Variants in CHSY3 observed in about 807,000 individuals in gnomAD.
CHSY3 encodes the protein N-acetylgalactosaminyl-proteoglycan 3-beta-glucuronosyltransferase 3.
Under a neutral mutation model 67.2 loss-of-function variants are expected in CHSY3, and 35 were observed. The observed-to-expected ratio is 0.52, with a 90% confidence interval of 0.40 to 0.69. The LOEUF is 0.69. Ranked by LOEUF, CHSY3 falls within the 30% of genes least tolerant of loss-of-function variation. The pLI is 0.00. For synonymous variants in CHSY3, 474 were observed against 434.7 expected (o/e 1.09, Z -1.12); for missense variants, 1,069 against 1,138.5 (o/e 0.94, Z 0.88).
intron 2 of CHSY3, among the ~76,000 whole-genome samples, chr5:130,134,528 A>C (rs1348608712): frequency 6.6e-6 from 1 of 151,986 alleles, no homozygotes; most frequent in Non-Finnish European, 1.5e-5. Context: ...GAACACATTT[A>C]CTCTCCTGAG....
At chr5:130,082,504 G>C (rs750724049) in intron 2 of CHSY3, among the ~76,000 whole-genome samples, 1 of 151,938 alleles carries the variant, frequency 6.6e-6, no homozygotes, top group Non-Finnish European at 1.5e-5. Flanking sequence ...TTCTCTTAAC[G>C]ATGTAAGCAC....
chr5:129,957,115 T>C (rs1762199606), intron 2 of CHSY3, among the ~76,000 whole-genome samples: 1 of 152,208 alleles, frequency 6.6e-6, no homozygotes, highest in African/African-American at 2.4e-5. Context: ...TGTTTTTCCA[T>C]TTGTTCGTGC....
chr5:129,906,198 C>T (rs1237748492), intron 1 of CHSY3, among the ~76,000 whole-genome samples: 1 of 152,128 alleles, frequency 6.6e-6, no homozygotes, highest in Non-Finnish European at 1.5e-5. Context: ...TGTTCCCTTC[C>T]CTTTGGCTCA....
chr5:130,176,756 ATTGCATG>A (rs755344003), intron 2 of CHSY3, among the ~76,000 whole-genome samples: 28 of 152,238 alleles, frequency 1.8e-4, no homozygotes, highest in Middle Eastern at 3.4e-3. Flanking sequence ...AAAACCAAAC[ATTGCATG>A]TTCTCACTAA....
At chr5:129,939,157 T>TG (rs1415963862) in intron 2 of CHSY3, among the ~76,000 whole-genome samples, 2 of 151,126 alleles carry the variant, frequency 1.3e-5, no homozygotes, top group Admixed American at 1.3e-4. Context: ...AGAGAGAGAG[T>TG]GAACAGGGAA....
chr5:130,086,075 A>C (rs564067147), intron 2 of CHSY3, among the ~76,000 whole-genome samples: 1,841 of 152,128 alleles, frequency 0.012, 36 homozygotes, highest in African/African-American at 0.042. Context: ...GCTGAAAAAA[A>C]TGTATATTCT....
intron 2 of CHSY3, among the ~76,000 whole-genome samples, chr5:130,168,943 A>C (rs76677061): frequency 0.04 from 6,085 of 152,168 alleles, 348 homozygotes; most frequent in East Asian, 0.26. Context: ...TATCTATAGT[A>C]ACTGATGCAT....
chr5:129,939,702 A>G (rs1761636992), intron 2 of CHSY3, among the ~76,000 whole-genome samples: 1 of 152,344 alleles, frequency 6.6e-6, no homozygotes, highest in South Asian at 2.1e-4. Context: ...CATTTGGAAT[A>G]TGAATAATCT....
chr5:129,962,351 T>C (rs1218851888), intron 2 of CHSY3, among the ~76,000 whole-genome samples: 1 of 151,992 alleles, frequency 6.6e-6, no homozygotes, highest in African/African-American at 2.4e-5. Context: ...TTGTTGCTAT[T>C]GCCTCCTAAA....
intron 2 of CHSY3, among the ~76,000 whole-genome samples, chr5:130,115,994 G>A (rs1767785756): frequency 6.6e-6 from 1 of 152,094 alleles, no homozygotes; most frequent in Non-Finnish European, 1.5e-5. Context: ...GGATCACACA[G>A]GAGGTTCTCC....
intron 2 of CHSY3, among the ~76,000 whole-genome samples, chr5:130,040,595 T>G (rs1051101428): frequency 5.3e-5 from 8 of 152,116 alleles, no homozygotes; most frequent in Admixed American, 2.6e-4. Context: ...GCTTTCAATA[T>G]TATGTCATGT....
At chr5:129,982,563 C>A (rs188288760) in intron 2 of CHSY3, among the ~76,000 whole-genome samples, 1 of 151,864 alleles carries the variant, frequency 6.6e-6, no homozygotes, top group Non-Finnish European at 1.5e-5. Flanking sequence ...CGATTCAGAA[C>A]TATATTTTTT....
intron 2 of CHSY3, chr5:130,140,392 C>T: frequency 1.5e-6 from 1 of 676,554 alleles, no homozygotes; most frequent in African/African-American, 1.8e-5. Flanking sequence ...TTTTATGGTT[C>T]TGATAAAGAT....
At chr5:130,078,173 A>G (rs1766333501) in intron 2 of CHSY3, among the ~76,000 whole-genome samples, 1 of 152,092 alleles carries the variant, frequency 6.6e-6, no homozygotes, top group African/African-American at 2.4e-5. Flanking sequence ...CAGGTTCCAA[A>G]TACACCATGT....
chr5:130,159,797 A>G (rs1396754409), intron 2 of CHSY3, among the ~76,000 whole-genome samples: 4 of 152,236 alleles, frequency 2.6e-5, no homozygotes, highest in Admixed American at 6.5e-5. Flanking sequence ...AAGGATCAGC[A>G]TCAGTGATCA....
chr5:130,138,910 G>T (rs752655214), intron 2 of CHSY3, among the ~76,000 whole-genome samples: 18 of 152,142 alleles, frequency 1.2e-4, no homozygotes, highest in Non-Finnish European at 2.2e-4. Flanking sequence ...AATATGTTCT[G>T]AGAAATGCAT....
At chr5:130,014,978 C>G (rs113568697) in intron 2 of CHSY3, among the ~76,000 whole-genome samples, 2,439 of 152,226 alleles carry the variant, frequency 0.016, 53 homozygotes, top group African/African-American at 0.054. Flanking sequence ...GGTCAAATAT[C>G]TATAATATAT....
intron 2 of CHSY3, among the ~76,000 whole-genome samples, chr5:130,056,066 G>A (rs554244265): frequency 6.6e-6 from 1 of 152,182 alleles, no homozygotes; most frequent in South Asian, 2.1e-4. Flanking sequence ...CTATAATGCT[G>A]TATCTAAGAA....
chr5:130,026,971 T>C (rs994232786), intron 2 of CHSY3, among the ~76,000 whole-genome samples: 2 of 152,162 alleles, frequency 1.3e-5, no homozygotes, highest in Non-Finnish European at 2.9e-5. Context: ...GTGGGATGCC[T>C]AGTGCTGTCT....
Sources: gnomAD v4.1 joint callset for allele counts (sites outside exome capture counted in the v4.1 genomes callset) on GRCh38, gnomAD v4.1.1 for gene constraint, MANE v1.5 for transcripts, NCBI Gene and HGNC (gene_info 2026-07-23, HGNC 2026-07-21) for gene names.